The following AP4E1 variants were observed in gnomAD, a reference collection of about 807,000 sequenced individuals.
AP4E1 encodes the protein adaptor related protein complex 4 subunit epsilon 1.
A neutral mutation model predicts 128.2 loss-of-function variants in AP4E1; 56 were observed. That is an observed-to-expected ratio of 0.44 (90% CI 0.35 to 0.55). The LOEUF is 0.55. AP4E1 is among the 20% of genes least tolerant of loss of function. AP4E1 has a pLI of 0.00. For missense variants in AP4E1, 1,324 were observed against 1,307.7 expected, an observed-to-expected ratio of 1.01 and a Z score of -0.19; for synonymous variants, 484 against 473.1, an observed-to-expected ratio of 1.02 and a Z score of -0.30.
At chr15:50,943,538 C>G (rs902268588) in intron 10 of AP4E1, among the ~76,000 whole-genome samples, 4 of 152,098 alleles carry the variant, frequency 2.6e-5, no homozygotes, top group Non-Finnish European at 4.4e-5. Context: ...CTCGAAGAGA[C>G]AGTAACAAAT....
intron 10 of AP4E1, among the ~76,000 whole-genome samples, chr15:50,947,301 A>T (rs1223822934): frequency 6.6e-6 from 1 of 151,546 alleles, no homozygotes; most frequent in Admixed American, 6.6e-5. Flanking sequence ...CTGTAGTCCC[A>T]CCTATTTGGA....
chr15:51,002,388 T>C (rs2064975016), intron 20 of AP4E1, 114 bp from the exon 21 acceptor site: 1 of 1,085,852 alleles, frequency 9.2e-7, no homozygotes, highest in Non-Finnish European at 1.4e-6. Context: ...CCTTAGTGGT[T>C]AGTGATATTG....
intron 8 of AP4E1, among the ~76,000 whole-genome samples, chr15:50,934,954 A>T (rs890736034): frequency 6.6e-5 from 10 of 152,124 alleles, no homozygotes; most frequent in African/African-American, 2.4e-4. Context: ...TCAATTATCT[A>T]TTTTTTTCAA....
intron 1 of AP4E1, among the ~76,000 whole-genome samples, chr15:50,910,567 A>G (rs1378534253): frequency 6.6e-6 from 1 of 152,254 alleles, no homozygotes; most frequent in African/African-American, 2.4e-5. Flanking sequence ...GAAGGTTTAA[A>G]AAAAATATTT....
intron 16 of AP4E1, among the ~76,000 whole-genome samples, chr15:50,987,428 T>C (rs2064744149): frequency 1.3e-5 from 2 of 152,350 alleles, no homozygotes; most frequent in South Asian, 2.1e-4. Context: ...CTGCTTTCTC[T>C]TGTGGGCATT....
chr15:50,912,770 C>G (rs764002243), intron 2 of AP4E1, among the ~76,000 whole-genome samples: 11 of 151,668 alleles, frequency 7.3e-5, no homozygotes, highest in Non-Finnish European at 1.2e-4. Context: ...TCAACCGATT[C>G]TCCTGCCTCA....
In AP4E1 at chr15:50,939,086, ATTTATGC is replaced by A. The variant is rs545363291; in HGVS notation, c.944-2350_944-2344del. ...AACATTATTAATTTTTAATTTAGTA[ATTTATGC>A]TTTATAGCATTTTAATTAGTACCAA... On this transcript the variant is annotated intron_variant, in intron 8 of 20. Coordinates refer to ENST00000261842, the MANE Select transcript of AP4E1 (RefSeq NM_007347.5). Among the ~76,000 whole-genome samples, 248 of 152,330 alleles carry A rather than the reference ATTTATGC, an allele frequency of 1.6e-3. 1 individual carries two copies. The highest frequency in any genetic ancestry group is 9.9e-3 in the South Asian group (48 of 4,828).
At chr15:50,996,969 TG>T (rs957821636) in intron 17 of AP4E1, among the ~76,000 whole-genome samples, 14 of 152,228 alleles carry the variant, frequency 9.2e-5, no homozygotes, top group African/African-American at 3.1e-4. Context: ...AGAACAACTA[TG>T]GCAACTCAAA....
At chr15:50,979,885 A>G (rs1006062396) in intron 15 of AP4E1, among the ~76,000 whole-genome samples, 2 of 152,194 alleles carry the variant, frequency 1.3e-5, no homozygotes, top group Non-Finnish European at 2.9e-5. Context: ...TATGATAGAA[A>G]ATTGGTCCTG....
intron 19 of AP4E1, among the ~76,000 whole-genome samples, chr15:50,999,501 A>G (rs547444896): frequency 1.1e-4 from 16 of 152,320 alleles, no homozygotes; most frequent in African/African-American, 3.4e-4. Context: ...GAGGGATTAT[A>G]ATGAGAGACC....
chr15:50,912,038 A>G, intron 1 of AP4E1, 40 bp from the exon 2 acceptor site: 2 of 1,466,420 alleles, frequency 1.4e-6, no homozygotes, highest in Non-Finnish European at 1.9e-6. Context: ...CAGTTTTAAA[A>G]GACAGTTAAT....
intron 17 of AP4E1, among the ~76,000 whole-genome samples, chr15:50,995,980 CTTTTTTTTTTTTT>C (rs1199189475): frequency 1.0e-3 from 93 of 91,802 alleles, no homozygotes; most frequent in African/African-American, 1.6e-3. Flanking sequence ...TAATATACAT[CTTTTTTTTTTTTT>C]TTTTTTTTTT....
chr15:50,997,031 G>A (rs2064883946), intron 17 of AP4E1, among the ~76,000 whole-genome samples: 1 of 152,122 alleles, frequency 6.6e-6, no homozygotes, highest in African/African-American at 2.4e-5. Flanking sequence ...CTATACTCTA[G>A]TATTCTGAAA....
chr15:50,953,255 T>C (rs2140869580), intron 13 of AP4E1, among the ~76,000 whole-genome samples: 1 of 152,352 alleles, frequency 6.6e-6, no homozygotes, highest in Admixed American at 6.5e-5. Context: ...TTTTTTTGTC[T>C]ATGAACGTGG....
intron 17 of AP4E1, among the ~76,000 whole-genome samples, chr15:50,995,429 A>T (rs2064855449): frequency 8.0e-5 from 10 of 125,148 alleles, no homozygotes; most frequent in South Asian, 2.4e-4. Context: ...ACAGAGTCTT[A>T]CTCTGTTACC....
chr15:50,949,471 T>C (rs913520878), intron 11 of AP4E1, among the ~76,000 whole-genome samples: 4 of 151,594 alleles, frequency 2.6e-5, no homozygotes, highest in African/African-American at 9.7e-5. Flanking sequence ...CAAGTAGACA[T>C]ACAACAATAT....
chr15:50,970,028 A>T (rs1293648580), intron 15 of AP4E1, among the ~76,000 whole-genome samples: 1 of 152,176 alleles, frequency 6.6e-6, no homozygotes, highest in Admixed American at 6.5e-5. Flanking sequence ...GTAATTCTAT[A>T]GTGGTCTAGA....
chr15:50,994,942 C>G (rs550933085), intron 17 of AP4E1, among the ~76,000 whole-genome samples: 1 of 152,120 alleles, frequency 6.6e-6, no homozygotes, highest in African/African-American at 2.4e-5. Flanking sequence ...TTATAATTCC[C>G]CCTCATTCCC....
At chr15:50,986,488 A>G (rs2064725903) in intron 16 of AP4E1, among the ~76,000 whole-genome samples, 3 of 152,146 alleles carry the variant, frequency 2.0e-5, no homozygotes, top group African/African-American at 7.2e-5. Flanking sequence ...TCCCATCAAT[A>G]CCTAATTTAT....
Sources: allele counts gnomAD v4.1 joint callset (sites outside exome capture counted in the v4.1 genomes callset), GRCh38; gene constraint gnomAD v4.1.1; transcripts MANE v1.5; gene names NCBI Gene and HGNC (gene_info 2026-07-23, HGNC 2026-07-21).